RNLS: variants seen among roughly 807,000 people sequenced by gnomAD.
The protein encoded by RNLS is renalase.
Under a neutral mutation model 39.8 loss-of-function variants are expected in RNLS, and 39 were observed. That is an observed-to-expected ratio of 0.98 (90% confidence interval 0.76 to 1.28). The LOEUF is 1.28. Ranked by LOEUF, RNLS falls within the 50% of genes most tolerant of loss-of-function variation. The pLI, the probability that RNLS is intolerant of heterozygous loss-of-function variation, is 0.00. For synonymous variants in RNLS, 147 were observed against 150.7 expected, an observed-to-expected ratio of 0.98 and a Z score of 0.18; for missense variants, 410 against 413.3, an observed-to-expected ratio of 0.99 and a Z score of 0.07.
chr10:88,400,694 T>C (rs1305760029), intron 4 of RNLS, among the ~76,000 whole-genome samples: 2 of 152,024 alleles, frequency 1.3e-5, no homozygotes, highest in East Asian at 3.9e-4. Flanking sequence ...TACATGTATC[T>C]TGAATGAATG....
At chr10:88,209,812 C>G in the RNLS span, among the ~76,000 whole-genome samples, 1 of 152,226 alleles carries the variant, frequency 6.6e-6, no homozygotes, top group Non-Finnish European at 1.5e-5. Context: ...CAAGCCCACT[C>G]TGACTAGCAA....
At chr10:88,316,905 T>G (rs912225409) in intron 5 of RNLS, among the ~76,000 whole-genome samples, 5 of 152,248 alleles carry the variant, frequency 3.3e-5, no homozygotes, top group African/African-American at 1.2e-4. Flanking sequence ...CAGAGTGTGT[T>G]TTCAGAAGCT....
intron 4 of RNLS, among the ~76,000 whole-genome samples, chr10:88,520,218 C>G (rs1846644462): frequency 1.3e-5 from 2 of 151,940 alleles, no homozygotes; most frequent in Non-Finnish European, 2.9e-5. Context: ...TGCCTATCTC[C>G]CTATAAGAGT....
chr10:88,338,121 C>T (rs1034173401), intron 5 of RNLS, among the ~76,000 whole-genome samples: 1 of 152,168 alleles, frequency 6.6e-6, no homozygotes, highest in African/African-American at 2.4e-5. Flanking sequence ...AATCAGTTGG[C>T]AGTGATGATT....
chr10:88,488,915 T>G (rs1242598917), intron 4 of RNLS, among the ~76,000 whole-genome samples: 2 of 152,202 alleles, frequency 1.3e-5, no homozygotes, highest in African/African-American at 4.8e-5. Context: ...AAAAAATTCT[T>G]TGTAGTCAGT....
At chr10:88,288,804 C>T (rs141745908) in intron 6 of RNLS, among the ~76,000 whole-genome samples, 95 of 152,290 alleles carry the variant, frequency 6.2e-4, no homozygotes, top group Non-Finnish European at 9.6e-4. Context: ...GGTGGAATCA[C>T]CCATTTTGCA....
chr10:88,179,616 T>C, the RNLS span, among the ~76,000 whole-genome samples: 1 of 152,202 alleles, frequency 6.6e-6, no homozygotes, highest in Non-Finnish European at 1.5e-5. Flanking sequence ...CTGGGAAATA[T>C]AGAGATTAAA....
chr10:88,245,073 G>C, the RNLS span, among the ~76,000 whole-genome samples: 1 of 151,956 alleles, frequency 6.6e-6, no homozygotes, highest in Admixed American at 6.6e-5. Context: ...GAAAAAAAGG[G>C]GAAAAAAAGG....
At chr10:88,352,173 T>C (rs547337665) in intron 5 of RNLS, among the ~76,000 whole-genome samples, 1 of 152,304 alleles carries the variant, frequency 6.6e-6, no homozygotes, top group African/African-American at 2.4e-5. Context: ...CCTCTTTTCC[T>C]AATTGAATAC....
At chr10:88,223,089 GTAATTTGCCTAAGGATACATGGCT>G in the RNLS span, among the ~76,000 whole-genome samples, 17 of 152,242 alleles carry the variant, frequency 1.1e-4, no homozygotes, top group Non-Finnish European at 2.2e-4. Context: ...GAAAGGTTAT[GTAATTTGCCTAAGGATACATGGCT>G]TGTGAGGGCA....
chr10:88,242,925 C>T, the RNLS span, among the ~76,000 whole-genome samples: 1 of 150,842 alleles, frequency 6.6e-6, no homozygotes, highest in South Asian at 2.1e-4. Context: ...CCAGCCTGGG[C>T]AACAAGAGCG....
chr10:88,287,710 C>CA (rs1843371313), intron 6 of RNLS, among the ~76,000 whole-genome samples: 1 of 152,120 alleles, frequency 6.6e-6, no homozygotes, highest in Non-Finnish European at 1.5e-5. Context: ...GCACGTCTTA[C>CA]ATGGCAGCAG....
Position 88,572,963 on chromosome 10 carries a change from G to C in RNLS, c.466C>G (p.Leu156Val). ...GGAACTGGCATTGTGAGAACAATAA[G>C]ATCAAACTGCTCAGGGGAGCCTGTT... The part of the protein sequence containing the change: ...KQTGSPEQFD[L>V]IVLTMPVPEI... The change falls in exon 4 of 7, where the codon CTT (leucine) becomes GTT (valine). Residue 156 changes from leucine to valine, a missense_variant. Physicochemically the swap from Leu to Val is conservative, Grantham distance 32. Coordinates refer to ENST00000331772, the MANE Select transcript of RNLS (RefSeq NM_001031709.3). 6.2e-7 allele frequency: 1 copy of C among 1,613,996 alleles called. No individual in the cohort carries two copies. The highest frequency in any genetic ancestry group is 8.5e-7 in the Non-Finnish European group (1 of 1,179,914).
chr10:88,575,521 C>T (rs1659689195), intron 3 of RNLS, among the ~76,000 whole-genome samples: 1 of 151,830 alleles, frequency 6.6e-6, no homozygotes, highest in South Asian at 2.1e-4. Flanking sequence ...CAAAACCACC[C>T]AAAAAGCAGC....
At chr10:88,338,983 G>A (rs1183067967) in intron 5 of RNLS, among the ~76,000 whole-genome samples, 1 of 152,072 alleles carries the variant, frequency 6.6e-6, no homozygotes, top group East Asian at 1.9e-4. Flanking sequence ...GGATGGTCTG[G>A]ATCTCCTGAC....
intron 4 of RNLS, among the ~76,000 whole-genome samples, chr10:88,486,564 C>T (rs1204450919): frequency 1.3e-5 from 2 of 151,888 alleles, no homozygotes; most frequent in East Asian, 1.9e-4. Context: ...TAAACAGATA[C>T]TTTTCAAAAG....
chr10:88,459,577 A>AGCC (rs1365530325), intron 4 of RNLS, among the ~76,000 whole-genome samples: 1 of 152,178 alleles, frequency 6.6e-6, no homozygotes, highest in Non-Finnish European at 1.5e-5. Flanking sequence ...GAGTCAACAG[A>AGCC]GCCCCAGGAC....
intron 4 of RNLS, among the ~76,000 whole-genome samples, chr10:88,532,532 C>T (rs1339409785): frequency 6.6e-6 from 1 of 151,934 alleles, no homozygotes; most frequent in East Asian, 1.9e-4. Context: ...ACTTATTAAC[C>T]TTTTACTATG....
At chr10:88,572,323 C>A (rs1424059666) in intron 4 of RNLS, among the ~76,000 whole-genome samples, 1 of 152,122 alleles carries the variant, frequency 6.6e-6, no homozygotes, top group East Asian at 1.9e-4. Flanking sequence ...TAATGCTAAA[C>A]CAACTGCAGT....
Sources: allele counts gnomAD v4.1 joint callset (sites outside exome capture counted in the v4.1 genomes callset), GRCh38; gene constraint gnomAD v4.1.1; transcripts MANE v1.5; gene names NCBI Gene and HGNC (gene_info 2026-07-23, HGNC 2026-07-21).